Variants in EDNRA observed in about 807,000 individuals in gnomAD.
The protein encoded by EDNRA is endothelin-1 receptor.
Under a neutral mutation model 41.4 loss-of-function variants are expected in EDNRA, and 11 were observed. The ratio of observed to expected loss-of-function variants is 0.27; its 90% CI spans 0.17 to 0.44. The LOEUF is 0.44. EDNRA is among the 20% of genes least tolerant of loss of function. The pLI, the probability that EDNRA is intolerant of heterozygous loss-of-function variation, is 1.00. For missense variants in EDNRA, 294 were observed against 531.0 expected (o/e 0.55, Z 4.39); for synonymous variants, 172 against 183.0 (o/e 0.94, Z 0.49).
At chr4:147,514,012 T>C (rs1336031025) in intron 2 of EDNRA, among the ~76,000 whole-genome samples, 1 of 152,246 alleles carries the variant, frequency 6.6e-6, no homozygotes, top group African/African-American at 2.4e-5. Flanking sequence ...ATTTTCATGG[T>C]TGTGCATAAA....
At chr4:147,497,034 T>C (rs1287456019) in intron 2 of EDNRA, among the ~76,000 whole-genome samples, 1 of 152,118 alleles carries the variant, frequency 6.6e-6, no homozygotes, top group Non-Finnish European at 1.5e-5. Flanking sequence ...TATCTAAATA[T>C]ATACTTCTTA....
At chr4:147,522,765 G>T (rs1342578345) in intron 3 of EDNRA, among the ~76,000 whole-genome samples, 1 of 152,194 alleles carries the variant, frequency 6.6e-6, no homozygotes, top group African/African-American at 2.4e-5. Context: ...CTGAATAATA[G>T]TTGAAGAGAT....
Position 147,542,767 on chromosome 4 carries a change from G to A in EDNRA, c.*149G>A. 11 of 1,007,306 alleles carry A rather than the reference G, an allele frequency of 1.1e-5. No homozygotes were observed. The South Asian group carries it at 1.9e-4, about 17-fold the overall frequency. 62.4% of individuals were successfully genotyped at this position (1,007,306 alleles called of 1,614,324 possible). A position where few individuals can be genotyped will look rare whatever the true frequency, so the allele number is the denominator to read the frequency against. On this transcript the variant is annotated 3_prime_UTR_variant, in exon 8 of 8. Transcript: ENST00000651419. ...AGAAATGCTTTCCAAAACCGCAAGGGTAGACTGGTTTATCCACCCACAACA... is the reference window on the plus strand; with the variant it reads ...AGAAATGCTTTCCAAAACCGCAAGGATAGACTGGTTTATCCACCCACAACA...
At chr4:147,499,961 C>T (rs1729452896) in intron 2 of EDNRA, among the ~76,000 whole-genome samples, 1 of 151,968 alleles carries the variant, frequency 6.6e-6, no homozygotes, top group African/African-American at 2.4e-5. Context: ...CCCACCACCA[C>T]ACCCAGCTAA....
At chr4:147,532,985 A>ATGTG (rs113450165) in intron 4 of EDNRA, among the ~76,000 whole-genome samples, 3 of 125,158 alleles carry the variant, frequency 2.4e-5, no homozygotes, top group Admixed American at 2.3e-4. Flanking sequence ...GAGGGACTAG[A>ATGTG]TGTGTGTGTG....
In EDNRA at chr4:147,535,910, G is replaced by T; in HGVS notation, c.781G>T (p.Gly261Trp). The change falls in exon 5 of 8, where the codon GGG becomes TGG. Residue 261 changes from glycine (G) to tryptophan (W), a missense_variant. Gly to Trp is a radical substitution (Grantham distance 184, BLOSUM62 -2). Coordinates refer to ENST00000651419, the MANE Select transcript of EDNRA (RefSeq NM_001957.4). Reference protein sequence around the residue: ...YQDVKDWWLFGFYFCMPLVCT... With the variant: ...YQDVKDWWLFWFYFCMPLVCT... ...AGATGTAAAGGACTGGTGGCTCTTC[G>T]GGTTCTATTTCTGTATGCCCTTGGT... 1.2e-6 allele frequency: 2 copies of T among 1,612,886 alleles called. No homozygotes were observed. The highest frequency in any genetic ancestry group is 1.7e-6 in the Non-Finnish European group (2 of 1,179,664).
At chr4:147,538,060 A>G (rs1000805739) in intron 5 of EDNRA, among the ~76,000 whole-genome samples, 4 of 152,128 alleles carry the variant, frequency 2.6e-5, no homozygotes, top group African/African-American at 9.7e-5. Context: ...GGAACACAAA[A>G]CCCAAAATAA....
chr4:147,542,660 G>A lies in EDNRA; in HGVS notation c.*42G>A, dbSNP rs776010093. On this transcript the variant is annotated 3_prime_UTR_variant, in exon 8 of 8. Coordinates refer to ENST00000651419, the MANE Select transcript of EDNRA (RefSeq NM_001957.4). ...TCCTCGGTACTCCCATAATCCTCTC[G>A]GAGAAAAAAATCACAAGGCAACTGT... 8 of 1,589,456 alleles carry A rather than the reference G, an allele frequency of 5.0e-6. No homozygotes were observed. Among genetic ancestry groups the A allele is most frequent in the South Asian group, 4.6e-5 (4 of 87,698 alleles).
At chr4:147,502,067 G>A (rs906763090) in intron 2 of EDNRA, among the ~76,000 whole-genome samples, 1 of 152,090 alleles carries the variant, frequency 6.6e-6, no homozygotes, top group Admixed American at 6.6e-5. Context: ...ATGTCAGGGA[G>A]GAAGTCTTTT....
intron 2 of EDNRA, among the ~76,000 whole-genome samples, chr4:147,510,811 G>A (rs947159758): frequency 2.6e-5 from 4 of 152,306 alleles, no homozygotes; most frequent in Admixed American, 6.5e-5. Context: ...TTCACGGGAA[G>A]AATGAAAAGA....
chr4:147,520,317 T>G (rs560106020), intron 3 of EDNRA: 4 of 491,392 alleles, frequency 8.1e-6, no homozygotes, highest in South Asian at 6.1e-5. Context: ...CCTGGTAAAT[T>G]TATCATAAAA....
chr4:147,542,818 A>G lies in EDNRA; in HGVS notation c.*200A>G. The G allele has an allele frequency of 1.7e-6, 1 of 602,884 alleles. No homozygotes were observed. Among genetic ancestry groups the G allele is most frequent in the Non-Finnish European group, 2.7e-6 (1 of 363,856 alleles). 37.3% of individuals were successfully genotyped at this position (602,884 alleles called of 1,614,324 possible). A position where few individuals can be genotyped will look rare whatever the true frequency, so the allele number is the denominator to read the frequency against. On this transcript the variant is annotated 3_prime_UTR_variant, in exon 8 of 8. Coordinates refer to ENST00000651419, the MANE Select transcript of EDNRA (RefSeq NM_001957.4). ...TCTACGAATCGTACTTCTTTAATTG[A>G]TCTAATTTACATATTCTGCGTGTTG...
intron 2 of EDNRA, among the ~76,000 whole-genome samples, chr4:147,508,083 C>G (rs145348331): frequency 6.6e-6 from 1 of 152,076 alleles, no homozygotes; most frequent in Non-Finnish European, 1.5e-5. Flanking sequence ...TCCCAGTTAG[C>G]GGATTTGTTT....
chr4:147,483,385 A>G (rs910760665), intron 1 of EDNRA, among the ~76,000 whole-genome samples: 1 of 152,210 alleles, frequency 6.6e-6, no homozygotes, highest in African/African-American at 2.4e-5. Flanking sequence ...GTTTCCTTAT[A>G]AGTAAAATGG....
chr4:147,535,194 C>A (rs544580336), intron 4 of EDNRA, among the ~76,000 whole-genome samples: 3 of 152,118 alleles, frequency 2.0e-5, no homozygotes, highest in East Asian at 3.9e-4. Context: ...GAAGTAAAAC[C>A]GAATAATCTC....
chr4:147,526,304 C>T (rs1390159172), intron 3 of EDNRA, among the ~76,000 whole-genome samples: 1 of 152,222 alleles, frequency 6.6e-6, no homozygotes. Context: ...TGTTGAAGGT[C>T]AGGAATTTGG....
At chr4:147,484,029 A>AT (rs1357514897) in intron 1 of EDNRA, among the ~76,000 whole-genome samples, 8 of 152,074 alleles carry the variant, frequency 5.3e-5, no homozygotes, top group Non-Finnish European at 1.2e-4. Context: ...CCAGGACTCA[A>AT]TTTTTTTAAG....
chr4:147,491,140 C>A (rs1373713816), intron 2 of EDNRA: 1 of 152,168 alleles, frequency 6.6e-6, no homozygotes, highest in East Asian at 1.9e-4. Flanking sequence ...CCTAAGCAAC[C>A]ACCCCTTATT....
chr4:147,489,960 C>T (rs1471337759), intron 2 of EDNRA: 2 of 152,118 alleles, frequency 1.3e-5, no homozygotes, highest in Non-Finnish European at 2.9e-5. Flanking sequence ...TCACTACCCC[C>T]AAGGAACATA....
Sources: gnomAD v4.1 joint callset for allele counts (sites outside exome capture counted in the v4.1 genomes callset) on GRCh38, gnomAD v4.1.1 for gene constraint, MANE v1.5 for transcripts, NCBI Gene and HGNC (gene_info 2026-07-23, HGNC 2026-07-21) for gene names.